The following MDGA2 variants were observed in gnomAD, a reference collection of about 807,000 sequenced individuals.
MDGA2 encodes the protein MAM domain-containing glycosylphosphatidylinositol anchor protein 2.
A neutral mutation model predicts 117.8 loss-of-function variants in MDGA2; 40 were observed. The observed-to-expected ratio is 0.34, with a 90% CI of 0.26 to 0.44. The LOEUF (loss-of-function observed/expected upper bound fraction) is 0.44, where lower values mean the gene tolerates loss of function less well. Among genes scored for constraint, MDGA2 ranks in the 20% least tolerant of loss-of-function variants. The pLI is 1.00. For synonymous variants in MDGA2, 452 were observed against 439.0 expected (o/e 1.03, Z -0.37); for missense variants, 1,123 against 1,250.6 (o/e 0.90, Z 1.54).
At chr14:46,869,107 T>G (rs1881893654) in intron 14 of MDGA2, among the ~76,000 whole-genome samples, 2 of 151,946 alleles carry the variant, frequency 1.3e-5, no homozygotes, top group South Asian at 2.1e-4. Context: ...TTTTACAGTC[T>G]CCTGCTTCTT....
chr14:47,226,854 C>T (rs1353631815), intron 2 of MDGA2, among the ~76,000 whole-genome samples: 2 of 152,166 alleles, frequency 1.3e-5, no homozygotes, highest in African/African-American at 4.8e-5. Context: ...CCCCATTTTA[C>T]AGCTCCAGTC....
chr14:46,890,583 G>A (rs1020029797), intron 10 of MDGA2, among the ~76,000 whole-genome samples: 1 of 152,014 alleles, frequency 6.6e-6, no homozygotes, highest in Non-Finnish European at 1.5e-5. Flanking sequence ...CAGCATCAGT[G>A]GGTCTCTCAG....
intron 16 of MDGA2, among the ~76,000 whole-genome samples, chr14:46,843,718 T>C (rs1237422366): frequency 1.3e-5 from 2 of 152,148 alleles, no homozygotes; most frequent in African/African-American, 4.8e-5. Context: ...GAGTAATCAG[T>C]GGACAATTGT....
At position 47,265,853 on chromosome 14, in the gene MDGA2, A is replaced by C. The variant is rs532235084; in HGVS notation, c.420+35558T>G. Among the ~76,000 whole-genome samples the C allele has an allele frequency of 2.2e-4, 33 of 152,204 alleles. No homozygotes were observed. In the South Asian group the frequency reaches 6.4e-3, roughly 30 times the overall value. On this transcript the variant is annotated intron_variant, in intron 2 of 16. Transcript: ENST00000399232. ...ATAACACAGAAGTTTAAAATTTTCCAATCAAGCTCTCTTCAGACCTTTAAA... is the reference window on the plus strand; with the variant it reads ...ATAACACAGAAGTTTAAAATTTTCCCATCAAGCTCTCTTCAGACCTTTAAA...
intron 3 of MDGA2, among the ~76,000 whole-genome samples, chr14:47,147,646 G>A (rs1038473068): frequency 2.0e-5 from 3 of 152,292 alleles, no homozygotes; most frequent in African/African-American, 7.2e-5. Context: ...ACTCTCAGCA[G>A]CGGGAGGAAT....
At chr14:47,337,692 G>T (rs1306687356) in intron 1 of MDGA2, among the ~76,000 whole-genome samples, 1 of 151,804 alleles carries the variant, frequency 6.6e-6, no homozygotes, top group Admixed American at 6.6e-5. Flanking sequence ...GAGAAAATGG[G>T]GGGGATAAGT....
chr14:47,231,186 C>T (rs903652830), intron 2 of MDGA2, among the ~76,000 whole-genome samples: 1 of 151,930 alleles, frequency 6.6e-6, no homozygotes, highest in Non-Finnish European at 1.5e-5. Flanking sequence ...TTCCAACAAG[C>T]ATCTGTATTG....
intron 1 of MDGA2, among the ~76,000 whole-genome samples, chr14:47,544,922 T>C (rs1594909838): frequency 6.6e-6 from 1 of 152,234 alleles, no homozygotes. Flanking sequence ...AGTAAAACAA[T>C]CTTTTCTAAA....
At chr14:47,337,069 T>A (rs1196652342) in intron 1 of MDGA2, among the ~76,000 whole-genome samples, 2 of 152,074 alleles carry the variant, frequency 1.3e-5, no homozygotes, top group Non-Finnish European at 2.9e-5. Flanking sequence ...CAAATATTCA[T>A]TAGTTCTCTT....
intron 2 of MDGA2, chr14:47,299,268 C>T (rs1019616043): frequency 2.6e-5 from 4 of 152,096 alleles, no homozygotes; most frequent in African/African-American, 9.7e-5. Context: ...TGGGAAATTT[C>T]TAATATTAAG....
intron 1 of MDGA2, among the ~76,000 whole-genome samples, chr14:47,587,391 A>T (rs1186897011): frequency 6.6e-6 from 1 of 151,844 alleles, no homozygotes; most frequent in Non-Finnish European, 1.5e-5. Context: ...AAATTGAAAA[A>T]ATATATATAA....
chr14:47,350,764 T>C (rs528905261), intron 1 of MDGA2, among the ~76,000 whole-genome samples: 1 of 152,338 alleles, frequency 6.6e-6, no homozygotes, highest in Admixed American at 6.5e-5. Context: ...ACCTAAGTAA[T>C]TTTGGTAGCT....
chr14:47,448,653 C>A (rs1040698204), intron 1 of MDGA2, among the ~76,000 whole-genome samples: 1 of 152,138 alleles, frequency 6.6e-6, no homozygotes, highest in Non-Finnish European at 1.5e-5. Flanking sequence ...CTTCAAAGCG[C>A]TCTTCATTTG....
intron 8 of MDGA2, among the ~76,000 whole-genome samples, chr14:46,966,624 A>C (rs1886040513): frequency 6.6e-6 from 1 of 152,172 alleles, no homozygotes; most frequent in African/African-American, 2.4e-5. Context: ...GGTATTACCC[A>C]TATATTATAA....
chr14:47,426,294 T>A (rs1892687779), intron 1 of MDGA2, among the ~76,000 whole-genome samples: 1 of 152,084 alleles, frequency 6.6e-6, no homozygotes, highest in Non-Finnish European at 1.5e-5. Context: ...TAATGGTGAT[T>A]TTTTTTACTT....
At chr14:47,357,359 T>A (rs1345332331) in intron 1 of MDGA2, among the ~76,000 whole-genome samples, 1 of 152,188 alleles carries the variant, frequency 6.6e-6, no homozygotes, top group African/African-American at 2.4e-5. Flanking sequence ...CATCCAACAC[T>A]TTGGCAGCTA....
At chr14:46,992,974 C>G (rs1887148353) in intron 8 of MDGA2, among the ~76,000 whole-genome samples, 1 of 152,110 alleles carries the variant, frequency 6.6e-6, no homozygotes, top group East Asian at 1.9e-4. Context: ...ACCAAAAGTA[C>G]TGAAATTGTA....
chr14:47,214,538 A>G (rs955954304), intron 3 of MDGA2, among the ~76,000 whole-genome samples: 11 of 152,146 alleles, frequency 7.2e-5, no homozygotes, highest in Non-Finnish European at 1.2e-4. Context: ...ATATACCTTA[A>G]TATTTTCTAC....
Position 46,841,969 on chromosome 14 carries a change from T to C in MDGA2, c.3040A>G (p.Ile1014Val), listed in dbSNP as rs766176159. ...GILVHIWLFPIIVLISILSPR... is the reference protein window; with the variant it reads ...GILVHIWLFPVIVLISILSPR... ...CTTAAGATAGAGATGAGGACGATAA[T>C]GGGAAAAAGCCATATATGAACCAAA... The change falls in exon 17 of 17, where the codon ATT becomes GTT. Residue 1014 changes from isoleucine to valine, a missense_variant. Ile to Val is a conservative substitution (Grantham distance 29). Around this residue, in one of 2 missense-constraint regions of MDGA2, gnomAD observed 890 missense variants for 1,050.3 expected, o/e 0.85. Coordinates refer to ENST00000399232, the MANE Select transcript of MDGA2 (RefSeq NM_001113498.3). 21 of 1,612,472 alleles carry C rather than the reference T, an allele frequency of 1.3e-5. No homozygotes were observed. In the East Asian group the frequency reaches 3.1e-4, roughly 24 times the overall value.
Sources: allele counts gnomAD v4.1 joint callset (sites outside exome capture counted in the v4.1 genomes callset), GRCh38; gene constraint gnomAD v4.1.1; regional missense constraint gnomAD v4.1.1; transcripts MANE v1.5; gene names NCBI Gene and HGNC (gene_info 2026-07-23, HGNC 2026-07-21).